RAD51B: variants seen among roughly 807,000 people sequenced by gnomAD.
The protein encoded by RAD51B is RAD51 paralog B.
A neutral mutation model predicts 42.2 loss-of-function variants in RAD51B; 38 were observed. The ratio of observed to expected loss-of-function variants is 0.90; its 90% CI spans 0.70 to 1.18. RAD51B has a LOEUF of 1.18. Ranked by LOEUF, RAD51B falls within the 50% of genes most tolerant of loss-of-function variation. The probability of loss-of-function intolerance (pLI) is 0.00; values close to 1 mark genes in which losing one functional copy is unlikely to be tolerated. For missense variants in RAD51B, 373 were observed against 400.7 expected, an observed-to-expected ratio of 0.93 and a Z score of 0.59; for synonymous variants, 154 against 145.2, an observed-to-expected ratio of 1.06 and a Z score of -0.43.
chr14:68,217,012 C>T (rs931274958), intron 7 of RAD51B, among the ~76,000 whole-genome samples: 18 of 152,214 alleles, frequency 1.2e-4, no homozygotes, highest in African/African-American at 4.3e-4. Context: ...CCGTTTCTCC[C>T]CAAGTCCTGT....
chr14:68,263,302 A>C (rs1364482554), intron 7 of RAD51B, among the ~76,000 whole-genome samples: 1 of 152,196 alleles, frequency 6.6e-6, no homozygotes, highest in Admixed American at 6.5e-5. Flanking sequence ...TATGACAAAA[A>C]CTCAGTTCTA....
intron 10 of RAD51B, among the ~76,000 whole-genome samples, chr14:68,618,377 T>G (rs1891869304): frequency 6.6e-6 from 1 of 152,200 alleles, no homozygotes; most frequent in Non-Finnish European, 1.5e-5. Flanking sequence ...GAATTAGTTT[T>G]GCCCCTCTAC....
chr14:68,606,958 G>A (rs999294298), intron 10 of RAD51B, among the ~76,000 whole-genome samples: 2 of 152,218 alleles, frequency 1.3e-5, no homozygotes, highest in Non-Finnish European at 2.9e-5. Context: ...GTAGAGGCAT[G>A]TTGAAATTAG....
At chr14:67,917,549 T>C (rs2044195710) in intron 7 of RAD51B, among the ~76,000 whole-genome samples, 1 of 152,156 alleles carries the variant, frequency 6.6e-6, no homozygotes, top group Admixed American at 6.5e-5. Context: ...ACATTCAACA[T>C]GAGATTTGGG....
intron 10 of RAD51B, chr14:68,471,950 C>G (rs1431267149): frequency 6.6e-6 from 1 of 152,532 alleles, no homozygotes; most frequent in African/African-American, 2.4e-5. Context: ...TTGAGCCTCT[C>G]TGTGCAATGA....
At chr14:67,917,195 C>G (rs558939048) in intron 7 of RAD51B, among the ~76,000 whole-genome samples, 1 of 152,216 alleles carries the variant, frequency 6.6e-6, no homozygotes, top group African/African-American at 2.4e-5. Context: ...GCTGTTCTTG[C>G]GTTGCTATAA....
intron 7 of RAD51B, among the ~76,000 whole-genome samples, chr14:68,081,331 G>A (rs1430932250): frequency 1.3e-5 from 2 of 152,052 alleles, no homozygotes; most frequent in Non-Finnish European, 1.5e-5. Context: ...CCTCCTCCTC[G>A]CATGTGCAAG....
At chr14:68,557,494 A>G (rs1474963654) in intron 10 of RAD51B, among the ~76,000 whole-genome samples, 2 of 152,246 alleles carry the variant, frequency 1.3e-5, no homozygotes, top group Non-Finnish European at 2.9e-5. Flanking sequence ...CTGTCTGTAG[A>G]TGTAAATTTG....
intron 7 of RAD51B, among the ~76,000 whole-genome samples, chr14:68,091,546 G>A (rs2077099492): frequency 6.6e-6 from 1 of 151,728 alleles, no homozygotes; most frequent in Non-Finnish European, 1.5e-5. Flanking sequence ...TTTTGATGGG[G>A]TTATTTTTTT....
chr14:68,348,764 TG>T (rs1440431110), intron 8 of RAD51B, among the ~76,000 whole-genome samples: 2 of 151,882 alleles, frequency 1.3e-5, no homozygotes, highest in Non-Finnish European at 2.9e-5. Flanking sequence ...CCAGGCATGG[TG>T]GGGGGCGCCT....
intron 7 of RAD51B, among the ~76,000 whole-genome samples, chr14:68,290,236 C>G (rs1366553278): frequency 6.6e-6 from 1 of 152,180 alleles, no homozygotes. Context: ...GACAAATATT[C>G]CAAGCACTGA....
At chr14:68,057,437 C>A (rs2076494899) in intron 7 of RAD51B, among the ~76,000 whole-genome samples, 1 of 151,786 alleles carries the variant, frequency 6.6e-6, no homozygotes. Flanking sequence ...TAATGAAGTT[C>A]AAAGATAAAT....
chr14:68,619,771 C>T (rs35196746), intron 10 of RAD51B, among the ~76,000 whole-genome samples: 1 of 152,220 alleles, frequency 6.6e-6, no homozygotes, highest in African/African-American at 2.4e-5. Context: ...GAAATGGTCT[C>T]CCACCTTTCT....
At chr14:68,194,715 T>C (rs1426005535) in intron 7 of RAD51B, among the ~76,000 whole-genome samples, 6 of 152,108 alleles carry the variant, frequency 3.9e-5, no homozygotes, top group African/African-American at 1.4e-4. Context: ...AAACACAGAG[T>C]GAGAATGAGA....
Position 68,468,913 on chromosome 14 carries a change from C to T in RAD51B, c.1036+663C>T, listed in dbSNP as rs34581221. On this transcript the variant is annotated intron_variant, in intron 10 of 10. Coordinates refer to ENST00000471583, the MANE Select transcript of RAD51B (RefSeq NM_133510.4). ...GTGATTCATTCTCAGATGCTAGATA[C>T]GCCAGTGGTTAGGAAAGGCACCCGA... is the stretch of plus-strand genomic sequence containing the variant. 5.7e-3 allele frequency among the ~76,000 whole-genome samples: 873 copies of T among 152,306 alleles called. 7 individuals carry two copies. Among genetic ancestry groups the T allele is most frequent in the African/African-American group, 0.018 (753 of 41,552 alleles).
In RAD51B at chr14:68,411,467, C is replaced by G. The variant is rs754360040; in HGVS notation, c.897C>G (p.Thr299=). The stretch of plus-strand genomic sequence containing the variant: ...GTGTGATAGCCGCACTAGGAAATAC[C>G]TGGAGTCACAGTGTGAATACCCGGC... The part of the protein sequence containing the change: ...SSCVIAALGN[T]WSHSVNTRLI... Residue 299 remains threonine (T), a synonymous_variant, in exon 9 of 11, where the codon ACC becomes ACG. Transcript: ENST00000471583. The G allele has an allele frequency of 2.5e-6, 4 of 1,614,134 alleles. No individual in the cohort carries two copies. The South Asian group carries it at 3.3e-5, about 13-fold the overall frequency.
chr14:68,008,844 C>G (rs886976062), intron 7 of RAD51B, among the ~76,000 whole-genome samples: 1 of 151,220 alleles, frequency 6.6e-6, no homozygotes, highest in African/African-American at 2.5e-5. Context: ...CACTTTACAT[C>G]TGTGTAGTGA....
Position 67,947,783 on chromosome 14 carries a change from T to C in RAD51B, c.756+60579T>C, listed in dbSNP as rs1376078801. Among the ~76,000 whole-genome samples the C allele has an allele frequency of 2.6e-5, 4 of 152,196 alleles. No homozygotes were observed. In the East Asian group the frequency reaches 7.7e-4, roughly 29 times the overall value. On this transcript the variant is annotated intron_variant, in intron 7 of 10. Transcript: ENST00000471583. The stretch of plus-strand genomic sequence containing the variant: ...TCTTCATCTGTCAGAAAATTCCTAA[T>C]GTTTAGCACTTAAGTTGCTTTGTGT...
At chr14:68,199,262 C>G (rs1295834111) in intron 7 of RAD51B, among the ~76,000 whole-genome samples, 1 of 152,110 alleles carries the variant, frequency 6.6e-6, no homozygotes, top group Non-Finnish European at 1.5e-5. Flanking sequence ...TTTCCTTACT[C>G]TGAACACTAT....
Sources: allele counts gnomAD v4.1 joint callset (sites outside exome capture counted in the v4.1 genomes callset), GRCh38; gene constraint gnomAD v4.1.1; transcripts MANE v1.5; gene names NCBI Gene and HGNC (gene_info 2026-07-23, HGNC 2026-07-21).